Variants in RGMB observed in about 807,000 individuals in gnomAD.
RGMB encodes repulsive guidance molecule BMP co-receptor b, also known as repulsive guidance molecule B.
In RGMB, 16 loss-of-function variants were observed where a neutral mutation model predicts 26.9. The observed-to-expected ratio is 0.60, with a 90% CI of 0.40 to 0.90. RGMB has a LOEUF of 0.90. Among genes scored for constraint, RGMB ranks in the 40% least tolerant of loss-of-function variants. RGMB has a pLI of 0.00. For missense variants in RGMB, 512 were observed against 573.3 expected (o/e 0.89, Z 1.09); for synonymous variants, 225 against 229.3 (o/e 0.98, Z 0.17).
chr5:98,772,589 C>G (rs1746202135), upstream of RGMB: 1 of 152,150 alleles, frequency 6.6e-6, no homozygotes, highest in Non-Finnish European at 1.5e-5. Flanking sequence ...GCCTTGAGGT[C>G]ATTCTTGAGA....
chr5:98,775,582 G>A (rs940956919), intron 1 of RGMB, among the ~76,000 whole-genome samples: 3 of 152,178 alleles, frequency 2.0e-5, no homozygotes, highest in African/African-American at 7.2e-5. Flanking sequence ...ATTGTGCTAG[G>A]TGGGATTGTG....
chr5:98,795,751 G>C lies in RGMB; in HGVS notation c.*1998G>C, dbSNP rs963740472. 6.6e-5 allele frequency: 10 copies of C among 152,134 alleles called. No homozygotes were observed. Among genetic ancestry groups the C allele is most frequent in the Non-Finnish European group, 1.3e-4 (9 of 68,040 alleles). 9.4% of individuals were successfully genotyped at this position (152,134 alleles called of 1,614,324 possible). On this transcript the variant is annotated 3_prime_UTR_variant, in exon 3 of 3. Transcript: ENST00000513185. Reference sequence around the variant, plus strand: ...TAATAATTTGTTTTATAATTGAGTAGTACAAGCGAGGAAAAAATACGGAGG... The same window carrying C: ...TAATAATTTGTTTTATAATTGAGTACTACAAGCGAGGAAAAAATACGGAGG...
intron 2 of RGMB, among the ~76,000 whole-genome samples, chr5:98,791,718 C>T (rs778312979): frequency 5.3e-4 from 81 of 152,048 alleles, no homozygotes; most frequent in Non-Finnish European, 6.6e-4. Flanking sequence ...AAAATCTGGT[C>T]TTTTTTTGTT....
Position 98,779,623 on chromosome 5 carries a change from C to G in RGMB, c.180C>G (p.Thr60=), listed in dbSNP as rs1024736882. The G allele has an allele frequency of 4.6e-6, 7 of 1,530,662 alleles. No homozygotes were observed. Among genetic ancestry groups the G allele is most frequent in the Non-Finnish European group, 6.2e-6 (7 of 1,137,438 alleles). 94.8% of individuals were successfully genotyped at this position (1,530,662 alleles called of 1,614,324 possible). A position where few individuals can be genotyped will look rare whatever the true frequency, so the allele number is the denominator to read the frequency against. The change falls in exon 2 of 3, where the codon ACC becomes ACG. Residue 60 remains threonine (T), a synonymous_variant. Transcript: ENST00000513185. ...CCCAATGTCGAATCCAGAAATGCAC[C>G]ACGGACTTCGTGTCCCTGACTTCTC... The part of the protein sequence containing the change: ...QPAQCRIQKC[T]TDFVSLTSHL...
intron 1 of RGMB, among the ~76,000 whole-genome samples, chr5:98,778,909 G>GT (rs908889921): frequency 5.0e-4 from 73 of 144,976 alleles, no homozygotes; most frequent in African/African-American, 4.0e-4. Context: ...AGTGAATCTT[G>GT]TTTTTTTTTT....
chr5:98,775,403 T>A (rs73151458), intron 1 of RGMB, among the ~76,000 whole-genome samples: 2,630 of 152,318 alleles, frequency 0.017, 82 homozygotes, highest in African/African-American at 0.06. Flanking sequence ...TAGAAAGTTT[T>A]AGGATGATTA....
At chr5:98,780,363 G>A (rs1746558162) in intron 2 of RGMB, 4 of 345,636 alleles carry the variant, frequency 1.2e-5, no homozygotes, top group Non-Finnish European at 1.0e-5. Context: ...GACCTGTTTA[G>A]TAAAAAAAGG....
At chr5:98,774,316 C>G (rs1746310928) in intron 1 of RGMB, 110 bp downstream of exon 1, 6 of 1,106,534 alleles carry the variant, frequency 5.4e-6, no homozygotes, top group Admixed American at 4.2e-5. Context: ...CGTGGCGCAA[C>G]GGGAAAGGCC....
chr5:98,779,716 C>T lies in RGMB; in HGVS notation c.273C>T (p.Cys91=). The T allele has an allele frequency of 6.2e-7, 1 of 1,612,298 alleles. No homozygotes were observed. Among genetic ancestry groups the T allele is most frequent in the Non-Finnish European group, 8.5e-7 (1 of 1,178,698 alleles). The change falls in exon 2 of 3, where the codon TGC becomes TGT. Residue 91 remains cysteine, a synonymous_variant. Transcript: ENST00000513185. ...FCKALRAYAG[C]TQRTSKACRG... is the part of the protein sequence containing the mutation. ...AGGCCTTGCGTGCCTATGCTGGCTG[C>T]ACCCAGCGAACTTCAAAAGCCTGCC...
At chr5:98,792,577 T>TCCCCCCCGCCCCCCACCAA (rs1580296893) in intron 2 of RGMB, among the ~76,000 whole-genome samples, 1 of 49,658 alleles carries the variant, frequency 2.0e-5, no homozygotes, top group East Asian at 5.1e-4. Flanking sequence ...ACCTCCACCA[T>TCCCCCCCGCCCCCCACCAA]CCCCCCCGCC....
At chr5:98,772,157 A>G (rs575007986), upstream of RGMB, among the ~76,000 whole-genome samples, 1 of 152,374 alleles carries the variant, frequency 6.6e-6, no homozygotes, top group Admixed American at 6.5e-5. Flanking sequence ...GGCAACTGTG[A>G]AGCTATTATT....
Position 98,774,178 on chromosome 5 carries a change from G to A in RGMB, c.108G>A (p.Leu36=). 1 of 1,499,410 alleles carries A rather than the reference G, an allele frequency of 6.7e-7. No homozygotes were observed. The highest frequency in any genetic ancestry group is 8.8e-7 in the Non-Finnish European group (1 of 1,131,732). 92.9% of individuals were successfully genotyped at this position (1,499,410 alleles called of 1,614,324 possible). A position where few individuals can be genotyped will look rare whatever the true frequency, so the allele number is the denominator to read the frequency against. Residue 36 remains leucine (L), a synonymous_variant, in exon 1 of 3, where the codon CTG becomes CTA. Transcript: ENST00000513185. ...CPPPLELLLL[L]LFSLGLLHAG... ...CGCCGCTGGAGCTGCTGCTGCTGCT[G>A]CTGTTCAGCCTCGGGCTGCTCCACG... is the stretch of plus-strand genomic sequence containing the variant.
At chr5:98,770,632 T>A, upstream of RGMB, 14 of 1,408,022 alleles carry the variant, frequency 9.9e-6, no homozygotes, top group African/African-American at 1.5e-5. Context: ...GGCCCCCTGA[T>A]CCCGCTGAGC....
At chr5:98,783,054 C>G (rs1002392340) in intron 2 of RGMB, among the ~76,000 whole-genome samples, 2 of 152,182 alleles carry the variant, frequency 1.3e-5, no homozygotes, top group African/African-American at 4.8e-5. Context: ...CACCATGGCC[C>G]TCTCCTCCCC....
intron 1 of RGMB, among the ~76,000 whole-genome samples, chr5:98,778,566 T>G (rs1746490260): frequency 6.6e-6 from 1 of 152,214 alleles, no homozygotes; most frequent in Non-Finnish European, 1.5e-5. Context: ...TTGCAGTTGA[T>G]GACAAAGAAC....
In RGMB at chr5:98,774,148, C is replaced by G. The variant is rs750330959; in HGVS notation, c.78C>G (p.Cys26Trp). ...AGCAGCGCCGCAGCCCCGGGCTCTGCCCCCCGCCGCTGGAGCTGCTGCTGC... is the reference window on the plus strand; with the variant it reads ...AGCAGCGCCGCAGCCCCGGGCTCTGGCCCCCGCCGCTGGAGCTGCTGCTGC... ...EVEQRRSPGL[C>W]PPPLELLLLL... Residue 26 changes from cysteine to tryptophan, a missense_variant, in exon 1 of 3, where the codon TGC (cysteine) becomes TGG (tryptophan). Cys to Trp is a radical substitution (Grantham distance 215). Transcript: ENST00000513185. 3.4e-6 allele frequency: 5 copies of G among 1,490,552 alleles called. No homozygotes were observed. The highest frequency in any genetic ancestry group is 3.6e-6 in the Non-Finnish European group (4 of 1,123,924). 92.3% of individuals were successfully genotyped at this position (1,490,552 alleles called of 1,614,324 possible).
At position 98,793,145 on chromosome 5, in the gene RGMB, A is replaced by T; in HGVS notation, c.706A>T (p.Thr236Ser). 6.2e-7 allele frequency: 1 copy of T among 1,613,998 alleles called. No homozygotes were observed. Among genetic ancestry groups the T allele is most frequent in the South Asian group, 1.1e-5 (1 of 91,078 alleles). Reference sequence around the variant, plus strand: ...AGATCAGAAAGTCTACCAAGCTGTGACAGATGACCTGCCGGCCGCCTTTGT... The same window carrying T: ...AGATCAGAAAGTCTACCAAGCTGTGTCAGATGACCTGCCGGCCGCCTTTGT... ...CTDQKVYQAV[T>S]DDLPAAFVDG... The change falls in exon 3 of 3, where the codon ACA becomes TCA. Residue 236 changes from threonine to serine, a missense_variant. By Grantham distance (58) the Thr-to-Ser change is moderately conservative. Transcript: ENST00000513185.
intron 1 of RGMB, among the ~76,000 whole-genome samples, chr5:98,777,552 A>G (rs1410874012): frequency 6.6e-6 from 1 of 152,224 alleles, no homozygotes; most frequent in Non-Finnish European, 1.5e-5. Flanking sequence ...TCCTGGCTTA[A>G]TGATGCTAGC....
chr5:98,773,663 G>T lies in RGMB; in HGVS notation c.-408G>T. ...ATTGATCGACCGCGGGGGCTGCCGC[G>T]CAGAGATATCCGGGCCGCCGGTGGG... On this transcript the variant is annotated 5_prime_UTR_variant, in exon 1 of 3. Transcript: ENST00000513185. 2.9e-6 allele frequency: 1 copy of T among 343,224 alleles called. No homozygotes were observed. The highest frequency in any genetic ancestry group is 7.7e-4 in the Middle Eastern group (1 of 1,294). 21.3% of individuals were successfully genotyped at this position (343,224 alleles called of 1,614,324 possible).
Sources: allele counts gnomAD v4.1 joint callset (sites outside exome capture counted in the v4.1 genomes callset), GRCh38; gene constraint gnomAD v4.1.1; transcripts MANE v1.5; gene names NCBI Gene and HGNC (gene_info 2026-07-23, HGNC 2026-07-21).